Variants in COL4A2 observed in about 807,000 individuals in gnomAD.
The protein encoded by COL4A2 is collagen type IV alpha 2 chain.
COL4A2 carries 99 observed loss-of-function variants against 200.2 expected under a neutral mutation model. The ratio of observed to expected loss-of-function variants is 0.49; its 90% CI spans 0.42 to 0.58. COL4A2 has a LOEUF of 0.58. Among genes scored for constraint, COL4A2 ranks in the 20% least tolerant of loss-of-function variants. COL4A2 has a pLI of 0.00. For missense variants in COL4A2, 1,950 were observed against 2,314.1 expected, an observed-to-expected ratio of 0.84 and a Z score of 3.23; for synonymous variants, 897 against 900.6, an observed-to-expected ratio of 1.00 and a Z score of 0.07.
chr13:110,496,933 C>CA (rs1883479648), intron 40 of COL4A2, among the ~76,000 whole-genome samples: 1 of 136,516 alleles, frequency 7.3e-6, no homozygotes, highest in African/African-American at 2.8e-5. Context: ...CAGCCTCAGT[C>CA]GGGGTGAAGA....
chr13:110,426,442 A>T (rs55916300), intron 6 of COL4A2, among the ~76,000 whole-genome samples: 181 of 152,368 alleles, frequency 1.2e-3, no homozygotes, highest in African/African-American at 4.2e-3. Flanking sequence ...CCAGTCTCTT[A>T]ACCGCAGAAC....
intron 4 of COL4A2, among the ~76,000 whole-genome samples, chr13:110,380,595 G>A (rs917249394): frequency 2.0e-5 from 3 of 152,122 alleles, no homozygotes; most frequent in Non-Finnish European, 4.4e-5. Context: ...TCGGGCAAGA[G>A]GGCACTAGGA....
chr13:110,318,177 G>A (rs1885189268), intron 3 of COL4A2, among the ~76,000 whole-genome samples: 1 of 152,150 alleles, frequency 6.6e-6, no homozygotes. Flanking sequence ...TCATGTATGT[G>A]ACATTCGTTC....
At chr13:110,436,140 A>G (rs2139464312) in intron 12 of COL4A2, 129 bp from the exon 13 acceptor site, 1 of 1,325,188 alleles carries the variant, frequency 7.5e-7, no homozygotes, top group East Asian at 2.3e-5. Flanking sequence ...TATACTGTAA[A>G]TAGGTATACA....
chr13:110,476,592 C>T (rs968590807), intron 29 of COL4A2, among the ~76,000 whole-genome samples: 9 of 152,212 alleles, frequency 5.9e-5, no homozygotes, highest in African/African-American at 1.9e-4. Context: ...TGTCTGCCTC[C>T]CTGTCCTGGA....
At chr13:110,358,361 G>A (rs771054493) in intron 4 of COL4A2, among the ~76,000 whole-genome samples, 12 of 152,144 alleles carry the variant, frequency 7.9e-5, no homozygotes, top group Admixed American at 1.3e-4. Flanking sequence ...GCATGGAGCC[G>A]TCATCCCCTC....
At chr13:110,451,468 G>T (rs1881535529) in intron 20 of COL4A2, among the ~76,000 whole-genome samples, 1 of 152,210 alleles carries the variant, frequency 6.6e-6, no homozygotes, top group Non-Finnish European at 1.5e-5. Flanking sequence ...TCACAGTTCT[G>T]CAGGGCTTGG....
intron 4 of COL4A2, among the ~76,000 whole-genome samples, chr13:110,365,465 G>A (rs1594171802): frequency 1.3e-5 from 2 of 152,290 alleles, no homozygotes; most frequent in Middle Eastern, 6.8e-3. Flanking sequence ...ATTAGAACTA[G>A]ATGTCTCATT....
At chr13:110,509,778 A>C (rs182106669) in intron 47 of COL4A2, among the ~76,000 whole-genome samples, 38 of 152,300 alleles carry the variant, frequency 2.5e-4, no homozygotes, top group African/African-American at 9.1e-4. Context: ...CAGCCCCAGC[A>C]AGCCTGGAAC....
At chr13:110,371,253 T>G (rs911582499) in intron 4 of COL4A2, among the ~76,000 whole-genome samples, 26 of 152,238 alleles carry the variant, frequency 1.7e-4, no homozygotes, top group Non-Finnish European at 3.1e-4. Flanking sequence ...GAATTAGTTA[T>G]TAATTATTCC....
chr13:110,388,475 G>A (rs1878856071), intron 4 of COL4A2, among the ~76,000 whole-genome samples: 2 of 152,208 alleles, frequency 1.3e-5, no homozygotes, highest in Non-Finnish European at 2.9e-5. Flanking sequence ...CCTGTACTCT[G>A]TCATGCTCCA....
intron 16 of COL4A2, among the ~76,000 whole-genome samples, chr13:110,442,156 A>G (rs1214909694): frequency 6.6e-6 from 1 of 151,506 alleles, no homozygotes; most frequent in East Asian, 1.9e-4. Context: ...TCCAAAGTTA[A>G]TGAAAGACAA....
At chr13:110,506,200 G>T (rs1468085046) in intron 45 of COL4A2, among the ~76,000 whole-genome samples, 1 of 150,888 alleles carries the variant, frequency 6.6e-6, no homozygotes, top group African/African-American at 2.4e-5. Flanking sequence ...CAGGCTGCAG[G>T]TGCACCAGGC....
intron 4 of COL4A2, among the ~76,000 whole-genome samples, chr13:110,388,817 G>A (rs2139420041): frequency 6.6e-6 from 1 of 152,240 alleles, no homozygotes; most frequent in Middle Eastern, 3.4e-3. Flanking sequence ...CACTGCTTCC[G>A]GGACCTCCCC....
chr13:110,378,150 A>G (rs1454788202), intron 4 of COL4A2, among the ~76,000 whole-genome samples: 1 of 152,202 alleles, frequency 6.6e-6, no homozygotes, highest in Non-Finnish European at 1.5e-5. Flanking sequence ...CTTTTGTTCT[A>G]TCTGAGCAGA....
intron 45 of COL4A2, among the ~76,000 whole-genome samples, chr13:110,505,384 TA>T (rs1454813509): frequency 1.3e-5 from 2 of 151,880 alleles, no homozygotes; most frequent in Non-Finnish European, 2.9e-5. Context: ...TGGGTAGTAC[TA>T]TTGGTGTCCA....
At chr13:110,348,960 G>A (rs951296251) in intron 3 of COL4A2, among the ~76,000 whole-genome samples, 1 of 152,174 alleles carries the variant, frequency 6.6e-6, no homozygotes, top group Non-Finnish European at 1.5e-5. Context: ...TTTTGTTCTT[G>A]CGATTCATAT....
intron 28 of COL4A2, 90 bp from the exon 29 acceptor site, chr13:110,472,839 T>C: frequency 7.7e-7 from 1 of 1,291,852 alleles, no homozygotes; most frequent in Non-Finnish European, 1.1e-6. Flanking sequence ...CATAGCCAAA[T>C]TTTTGCTGTT....
intron 4 of COL4A2, among the ~76,000 whole-genome samples, chr13:110,406,312 G>C (rs969611325): frequency 6.6e-6 from 1 of 152,162 alleles, no homozygotes; most frequent in Non-Finnish European, 1.5e-5. Flanking sequence ...AGAAGTGGGC[G>C]AGGTGTAGGC....
Sources: allele counts gnomAD v4.1 joint callset (sites outside exome capture counted in the v4.1 genomes callset), GRCh38; gene constraint gnomAD v4.1.1; transcripts MANE v1.5; gene names NCBI Gene and HGNC (gene_info 2026-07-23, HGNC 2026-07-21).